TBX15: variants seen among roughly 807,000 people sequenced by gnomAD.
TBX15 encodes the protein T-box transcription factor TBX15.
Under a neutral mutation model 53.9 loss-of-function variants are expected in TBX15, and 18 were observed. That is an observed-to-expected ratio of 0.33 (90% confidence interval 0.23 to 0.49). The LOEUF is 0.49. Among genes scored for constraint, TBX15 ranks in the 20% least tolerant of loss-of-function variants. TBX15 has a pLI of 0.98. For synonymous variants in TBX15, 295 were observed against 278.0 expected (o/e 1.06, Z -0.61); for missense variants, 692 against 749.5 (o/e 0.92, Z 0.90).
chr1:118,903,391 A>G (rs1029703418), intron 6 of TBX15, among the ~76,000 whole-genome samples: 1 of 152,208 alleles, frequency 6.6e-6, no homozygotes, highest in Non-Finnish European at 1.5e-5. Context: ...TCATTCCTTC[A>G]AAGTTCAGCA....
intron 5 of TBX15, among the ~76,000 whole-genome samples, chr1:118,918,043 T>C (rs569639709): frequency 2.0e-5 from 3 of 152,320 alleles, no homozygotes; most frequent in Non-Finnish European, 4.4e-5. Flanking sequence ...AAATTTGAAA[T>C]GCTCATTTCT....
At chr1:118,948,694 T>A (rs1656420217) in intron 1 of TBX15, among the ~76,000 whole-genome samples, 2 of 152,184 alleles carry the variant, frequency 1.3e-5, no homozygotes, top group African/African-American at 4.8e-5. Flanking sequence ...TAGTAAAAGA[T>A]CTTGCTATTG....
chr1:118,955,246 T>TA (rs58623472), intron 1 of TBX15, among the ~76,000 whole-genome samples: 172 of 149,936 alleles, frequency 1.1e-3, no homozygotes, highest in African/African-American at 3.4e-3. Flanking sequence ...ACAATGTGAT[T>TA]AAAAAAAAAA....
chr1:118,980,867 CTG>C (rs1657623095), intron 1 of TBX15, among the ~76,000 whole-genome samples: 1 of 151,618 alleles, frequency 6.6e-6, no homozygotes, highest in African/African-American at 2.4e-5. Flanking sequence ...GAGTCTTGCT[CTG>C]TCACCCAGGT....
At position 118,884,620 on chromosome 1, in the gene TBX15, A is replaced by AC; in HGVS notation, c.*111_*112insG. On this transcript the variant is annotated 3_prime_UTR_variant, in exon 8 of 8. Transcript: ENST00000369429. ...TCTTCGGCCAGAAAAAAAAAAAAAAAAAAAACACGGTTCCTGTTTTTCAAA... is the reference window on the plus strand; with the variant it reads ...TCTTCGGCCAGAAAAAAAAAAAAAAACAAAAACACGGTTCCTGTTTTTCAAA... 8 of 1,361,650 alleles carry AC rather than the reference A, an allele frequency of 5.9e-6. No individual in the cohort carries two copies. In the East Asian group the frequency reaches 9.6e-5, roughly 16 times the overall value. 84.3% of individuals were successfully genotyped at this position (1,361,650 alleles called of 1,614,324 possible). A position where few individuals can be genotyped will look rare whatever the true frequency, so the allele number is the denominator to read the frequency against.
intron 1 of TBX15, among the ~76,000 whole-genome samples, chr1:118,975,363 AC>A (rs1657389159): frequency 6.6e-6 from 1 of 152,232 alleles, no homozygotes; most frequent in African/African-American, 2.4e-5. Context: ...GAAGGAAAAG[AC>A]CTGGAAACTA....
At chr1:118,983,382 A>C (rs1046437622) in intron 1 of TBX15, among the ~76,000 whole-genome samples, 4 of 152,096 alleles carry the variant, frequency 2.6e-5, no homozygotes, top group African/African-American at 9.7e-5. Context: ...CCGGGGCCGG[A>C]GTTTTACATA....
At chr1:118,899,197 G>A (rs1654532363) in intron 6 of TBX15, 72 bp from the exon 7 acceptor site, 3 of 1,346,762 alleles carry the variant, frequency 2.2e-6, no homozygotes, top group Non-Finnish European at 3.2e-6. Flanking sequence ...CAGAGATCCA[G>A]AGGTGGACTG....
chr1:118,929,410 CA>C (rs1258059645), intron 2 of TBX15, among the ~76,000 whole-genome samples: 1 of 151,998 alleles, frequency 6.6e-6, no homozygotes, highest in Non-Finnish European at 1.5e-5. Flanking sequence ...AGAAATTAAC[CA>C]GGAGAATGAG....
intron 1 of TBX15, among the ~76,000 whole-genome samples, chr1:118,981,500 A>G (rs1176793414): frequency 1.3e-5 from 2 of 152,258 alleles, no homozygotes; most frequent in African/African-American, 2.4e-5. Context: ...TATAAAATAA[A>G]TAAAACACTA....
At chr1:118,956,665 A>C (rs1439260251) in intron 1 of TBX15, among the ~76,000 whole-genome samples, 1 of 152,186 alleles carries the variant, frequency 6.6e-6, no homozygotes, top group Non-Finnish European at 1.5e-5. Context: ...AAAATAGATT[A>C]AATCTGGCCG....
intron 6 of TBX15, among the ~76,000 whole-genome samples, chr1:118,913,041 C>T (rs1274956436): frequency 6.6e-6 from 1 of 152,052 alleles, no homozygotes; most frequent in Non-Finnish European, 1.5e-5. Context: ...ATTCATAAGT[C>T]ATTTTGTAAA....
intron 1 of TBX15, among the ~76,000 whole-genome samples, chr1:118,932,840 A>T (rs1421729294): frequency 6.6e-6 from 1 of 152,226 alleles, no homozygotes; most frequent in Admixed American, 6.5e-5. Context: ...AATTCAGATT[A>T]TCTAGTATAA....
rs1443164177 is a variant in TBX15 at position 118,885,127 on chromosome 1, A to C, written c.1414T>G (p.Phe472Val). ...MEAYGGQLGS[F>V]PTSQFQYVMQ... ...ACATACTGAAACTGGGAAGTGGGAA[A>C]GGACCCCAGCTGGCCACCGTAGGCT... The change falls in exon 8 of 8, where the codon TTT becomes GTT. Residue 472 changes from phenylalanine (F) to valine (V), a missense_variant. This residue lies in a region of TBX15 where 375 missense variants were observed against 371.6 expected (regional missense o/e 1.01). Transcript: ENST00000369429. 1 of 1,614,192 alleles carries C rather than the reference A, an allele frequency of 6.2e-7. No individual in the cohort carries two copies. The highest frequency in any genetic ancestry group is 1.7e-5 in the Admixed American group (1 of 60,028).
intron 1 of TBX15, among the ~76,000 whole-genome samples, chr1:118,974,763 C>T (rs1657363933): frequency 6.6e-6 from 1 of 152,168 alleles, no homozygotes; most frequent in Non-Finnish European, 1.5e-5. Flanking sequence ...TCAGAGCAGT[C>T]ACTCAGAGGT....
chr1:118,978,555 T>C (rs1657516574), intron 1 of TBX15, among the ~76,000 whole-genome samples: 1 of 152,166 alleles, frequency 6.6e-6, no homozygotes, highest in African/African-American at 2.4e-5. Flanking sequence ...CAAATATCCC[T>C]GGTTCCAACA....
intron 1 of TBX15, among the ~76,000 whole-genome samples, chr1:118,954,761 C>T (rs1656623188): frequency 1.3e-5 from 2 of 152,178 alleles, no homozygotes; most frequent in Admixed American, 6.5e-5. Context: ...TAACTCAACC[C>T]GATATTCATT....
intron 5 of TBX15, among the ~76,000 whole-genome samples, chr1:118,921,008 C>T (rs1429848841): frequency 6.6e-6 from 1 of 151,708 alleles, no homozygotes; most frequent in African/African-American, 2.4e-5. Flanking sequence ...GAGGCAATCT[C>T]TAAAAAAAAA....
At chr1:118,903,817 G>T (rs771102658) in intron 6 of TBX15, among the ~76,000 whole-genome samples, 1 of 152,134 alleles carries the variant, frequency 6.6e-6, no homozygotes, top group Non-Finnish European at 1.5e-5. Flanking sequence ...AAAGGAACAA[G>T]ATATAAATGA....
Sources: allele counts gnomAD v4.1 joint callset (sites outside exome capture counted in the v4.1 genomes callset), GRCh38; gene constraint gnomAD v4.1.1; regional missense constraint gnomAD v4.1.1; transcripts MANE v1.5; gene names NCBI Gene and HGNC (gene_info 2026-07-23, HGNC 2026-07-21).